The following MYBPC1 variants were observed in gnomAD, a reference collection of about 807,000 sequenced individuals.
MYBPC1 encodes the protein myosin binding protein C1.
A neutral mutation model predicts 147.1 loss-of-function variants in MYBPC1; 52 were observed. The observed-to-expected ratio is 0.35, with a 90% CI of 0.28 to 0.45. The LOEUF (loss-of-function observed/expected upper bound fraction) is 0.45, where lower values mean the gene tolerates loss of function less well. Among genes scored for constraint, MYBPC1 ranks in the 20% least tolerant of loss-of-function variants. The pLI is 1.00. For missense variants in MYBPC1, 1,228 were observed against 1,440.3 expected (o/e 0.85, Z 2.39); for synonymous variants, 477 against 475.9 (o/e 1.00, Z -0.03).
intron 28 of MYBPC1, among the ~76,000 whole-genome samples, chr12:101,678,884 G>A (rs944731286): frequency 2.6e-4 from 39 of 152,140 alleles, no homozygotes; most frequent in Admixed American, 2.2e-3. Context: ...GAAGTCGTCC[G>A]GGCGCAGTGG....
At chr12:101,655,836 A>C (rs896002635) in intron 18 of MYBPC1, among the ~76,000 whole-genome samples, 1 of 152,178 alleles carries the variant, frequency 6.6e-6, no homozygotes, top group Non-Finnish European at 1.5e-5. Flanking sequence ...TCAGATCTAC[A>C]TAAAGAAAGA....
chr12:101,604,535 C>T (rs528963810), intron 1 of MYBPC1, among the ~76,000 whole-genome samples: 1 of 152,194 alleles, frequency 6.6e-6, no homozygotes, highest in African/African-American at 2.4e-5. Context: ...ACCTCAGAGC[C>T]TTATTTTTTC....
intron 23 of MYBPC1, among the ~76,000 whole-genome samples, chr12:101,668,415 C>T (rs759607877): frequency 2.0e-5 from 3 of 152,146 alleles, no homozygotes; most frequent in Non-Finnish European, 4.4e-5. Flanking sequence ...TTCCTCACCA[C>T]CATGCACTCA....
chr12:101,664,912 A>T (rs1390487447), intron 22 of MYBPC1, among the ~76,000 whole-genome samples: 3 of 152,190 alleles, frequency 2.0e-5, no homozygotes, highest in Non-Finnish European at 2.9e-5. Flanking sequence ...GCCCCCATTT[A>T]AAAAAGTCAT....
At chr12:101,666,940 CACATCCTT>C in intron 22 of MYBPC1, 1 of 699,216 alleles carries the variant, frequency 1.4e-6, no homozygotes, top group Non-Finnish European at 2.5e-6. Flanking sequence ...TACACACACA[CACATCCTT>C]AGAGATGGGG....
intron 1 of MYBPC1, among the ~76,000 whole-genome samples, chr12:101,606,517 T>C (rs1882260816): frequency 6.6e-6 from 1 of 150,772 alleles, no homozygotes; most frequent in African/African-American, 2.5e-5. Flanking sequence ...TTGCCCGGCC[T>C]GGTCTTGAAC....
rs1272239901 is a variant in MYBPC1 at position 101,673,625 on chromosome 12, A to G, written c.2809+3A>G. On this transcript the variant is annotated splice_donor_region_variant and intron_variant, in intron 25 of 31. Coordinates refer to ENST00000361466, the MANE Select transcript of MYBPC1 (RefSeq NM_002465.4). Reference sequence around the variant, plus strand: ...ATCAATTGACATCCAGATCATTGGTAGGTTTAGATGAAGGAGCCAGAAAGT... The same window carrying G: ...ATCAATTGACATCCAGATCATTGGTGGGTTTAGATGAAGGAGCCAGAAAGT... 6.2e-7 allele frequency: 1 copy of G among 1,614,156 alleles called. No individual in the cohort carries two copies.
intron 13 of MYBPC1, among the ~76,000 whole-genome samples, chr12:101,647,438 C>T (rs914709595): frequency 6.6e-6 from 1 of 152,182 alleles, no homozygotes; most frequent in Non-Finnish European, 1.5e-5. Context: ...TTAGTATCTT[C>T]TTTGCTAAAA....
Position 101,594,999 on chromosome 12 carries a change from T to C in MYBPC1, c.-72T>C. 1 of 1,489,280 alleles carries C rather than the reference T, an allele frequency of 6.7e-7. No homozygotes were observed. The highest frequency in any genetic ancestry group is 1.4e-5 in the African/African-American group (1 of 72,362). 92.3% of individuals were successfully genotyped at this position (1,489,280 alleles called of 1,614,324 possible). A position where few individuals can be genotyped will look rare whatever the true frequency, so the allele number is the denominator to read the frequency against. ...ACACCGACCTGCACCATCTCTCGCCTGCCTGTGGGGTTTCTGTCAACTAGT... is the reference window on the plus strand; with the variant it reads ...ACACCGACCTGCACCATCTCTCGCCCGCCTGTGGGGTTTCTGTCAACTAGT... On this transcript the variant is annotated 5_prime_UTR_variant, in exon 1 of 32. Coordinates refer to ENST00000361466, the MANE Select transcript of MYBPC1 (RefSeq NM_002465.4).
At chr12:101,674,862 C>CA (rs62824364) in intron 25 of MYBPC1, among the ~76,000 whole-genome samples, 29,647 of 59,358 alleles carry the variant, frequency 0.5, 6,283 homozygotes, top group East Asian at 0.59. Context: ...ACTCTGTCTC[C>CA]AAAAAAAAAA....
chr12:101,598,853 A>T (rs1878587557), intron 1 of MYBPC1, among the ~76,000 whole-genome samples: 1 of 152,192 alleles, frequency 6.6e-6, no homozygotes, highest in Non-Finnish European at 1.5e-5. Flanking sequence ...AAGTGCTGAG[A>T]CTACAGGTGT....
intron 22 of MYBPC1, among the ~76,000 whole-genome samples, chr12:101,665,025 G>T (rs564926925): frequency 1.2e-4 from 19 of 152,018 alleles, no homozygotes; most frequent in Non-Finnish European, 2.4e-4. Flanking sequence ...TGTATGAATC[G>T]AGCAAATTCT....
chr12:101,650,905 C>T, intron 15 of MYBPC1: 1 of 369,806 alleles, frequency 2.7e-6, no homozygotes, highest in South Asian at 2.3e-5. Flanking sequence ...GTTGTGACCT[C>T]AGATGTAAAT....
chr12:101,617,682 CACTG>C (rs1353837949), intron 3 of MYBPC1, among the ~76,000 whole-genome samples: 7 of 152,112 alleles, frequency 4.6e-5, no homozygotes, highest in East Asian at 1.9e-4. Flanking sequence ...CACTTTGTAA[CACTG>C]ACTATGTATT....
In MYBPC1 at chr12:101,632,500, G is replaced by C. The variant is rs1191536832; in HGVS notation, c.556+362G>C. On this transcript the variant is annotated intron_variant, in intron 8 of 31. Coordinates refer to ENST00000361466, the MANE Select transcript of MYBPC1 (RefSeq NM_002465.4). ...ATGCTATGAGAGTTCAGGATACCCA[G>C]ATGGAAGGGAGAATTTCTCTTATAA... Among the ~76,000 whole-genome samples the C allele has an allele frequency of 2.0e-5, 3 of 152,174 alleles. No individual in the cohort carries two copies. The East Asian group carries it at 5.8e-4, about 29-fold the overall frequency.
At position 101,663,412 on chromosome 12, in the gene MYBPC1, C is replaced by G. The variant is rs1218216031; in HGVS notation, c.2222-14C>G. Reference sequence around the variant, plus strand: ...GTAAATAGTTTATTCTTTTCTGTCTCTTTTATCTTTAAGCTGTAACAAGCC... The same window carrying G: ...GTAAATAGTTTATTCTTTTCTGTCTGTTTTATCTTTAAGCTGTAACAAGCC... On this transcript the variant is annotated splice_polypyrimidine_tract_variant and intron_variant, in intron 21 of 31. Transcript: ENST00000361466. The G allele has an allele frequency of 6.2e-7, 1 of 1,610,532 alleles. No individual in the cohort carries two copies. The highest frequency in any genetic ancestry group is 1.3e-5 in the African/African-American group (1 of 74,956).
chr12:101,629,702 G>C (rs777981234), intron 6 of MYBPC1, among the ~76,000 whole-genome samples, 158 bp downstream of exon 6: 1 of 152,014 alleles, frequency 6.6e-6, no homozygotes, highest in Non-Finnish European at 1.5e-5. Flanking sequence ...GTGAAACCCA[G>C]TCCCTACTAA....
At chr12:101,669,851 C>T (rs562905587) in intron 23 of MYBPC1, 4 of 260,078 alleles carry the variant, frequency 1.5e-5, no homozygotes, top group East Asian at 1.3e-4. Flanking sequence ...ACATGAGAAT[C>T]GCTTGAACCC....
chr12:101,678,258 C>T lies in MYBPC1; in HGVS notation c.3246+20C>T, dbSNP rs912505665. 13 of 1,613,308 alleles carry T rather than the reference C, an allele frequency of 8.1e-6. No homozygotes were observed. The highest frequency in any genetic ancestry group is 4.0e-5 in the African/African-American group (3 of 74,920). ...CCTAAGGTACCATGTTCTTCTATCA[C>T]ATCAGTTAAAGTCCCTGTCTTGTAT... On this transcript the variant is annotated intron_variant, in intron 28 of 31. Coordinates refer to ENST00000361466, the MANE Select transcript of MYBPC1 (RefSeq NM_002465.4).
Sources: allele counts gnomAD v4.1 joint callset (sites outside exome capture counted in the v4.1 genomes callset), GRCh38; gene constraint gnomAD v4.1.1; transcripts MANE v1.5; gene names NCBI Gene and HGNC (gene_info 2026-07-23, HGNC 2026-07-21).